The following ZRSR2 variants were observed in gnomAD, a reference collection of about 807,000 sequenced individuals.
The protein encoded by ZRSR2 is zinc finger CCCH-type, RNA binding motif and serine/arginine rich 2.
In ZRSR2, 3 loss-of-function variants were observed where a neutral mutation model predicts 39.4. The observed-to-expected ratio is 0.08, with a 90% CI of 0.03 to 0.20. The LOEUF (loss-of-function observed/expected upper bound fraction) is 0.20. ZRSR2 is among the 10% of genes least tolerant of loss of function. The pLI, the probability that ZRSR2 is intolerant of heterozygous loss-of-function variation, is 1.00. For missense variants in ZRSR2, 256 were observed against 391.5 expected (o/e 0.65, Z 2.92); for synonymous variants, 137 against 136.0 (o/e 1.01, Z -0.05).
chrX:15,799,187 A>G lies in ZRSR2; in HGVS notation c.122-685A>G. On this transcript the variant is annotated intron_variant, in intron 2 of 10. Transcript: ENST00000307771. Reference sequence around the variant, plus strand: ...GCGACAGAGCAAGACTCCCGTCTCAAAAAAAAAAAAAAAAAGTGTCCAGAT... The same window carrying G: ...GCGACAGAGCAAGACTCCCGTCTCAGAAAAAAAAAAAAAAAGTGTCCAGAT... Among the ~76,000 whole-genome samples the G allele has an allele frequency of 1.1e-4, 3 of 28,475 alleles. No individual in the cohort carries two copies. In the Admixed American group the frequency reaches 1.1e-3, roughly 10 times the overall value. The allele number at this position is 28,475 out of a possible 115,157, so 24.7% of individuals were successfully genotyped here. A position where few individuals can be genotyped will look rare whatever the true frequency, so the allele number is the denominator to read the frequency against.
chrX:15,800,774 T>G (rs73439981), intron 3 of ZRSR2, among the ~76,000 whole-genome samples: 2,015 of 112,695 alleles, frequency 0.018, 43 homozygotes, highest in African/African-American at 0.059. Context: ...AGATGTAGCA[T>G]AATTTATTTG....
intron 2 of ZRSR2, among the ~76,000 whole-genome samples, chrX:15,793,001 G>A (rs952870706): frequency 8.9e-6 from 1 of 111,979 alleles, no homozygotes; most frequent in African/African-American, 3.2e-5. Flanking sequence ...AAGGAGCAGT[G>A]TGTTTAACTG....
chrX:15,815,943 A>G (rs1272795367), intron 8 of ZRSR2, 53 bp downstream of exon 8: 2 of 1,041,666 alleles, frequency 1.9e-6, no homozygotes, highest in African/African-American at 3.7e-5. Flanking sequence ...GCAGTACTTA[A>G]TGGCACAAGA....
At chrX:15,804,050 T>C in intron 4 of ZRSR2, 61 bp from the exon 5 acceptor site, 2 of 1,102,925 alleles carry the variant, frequency 1.8e-6, no homozygotes, top group Non-Finnish European at 2.4e-6. Flanking sequence ...CTATGTGCGC[T>C]GTATGTGAAA....
At position 15,817,312 on chromosome X, in the gene ZRSR2, C is replaced by G. The variant is rs753685958; in HGVS notation, c.772-1275C>G. On this transcript the variant is annotated intron_variant, in intron 8 of 10. Coordinates refer to ENST00000307771, the MANE Select transcript of ZRSR2 (RefSeq NM_005089.4). ...TTCCCGAGGCCTTTTATTCTTCCTT[C>G]TAAGGGTGGTGTTACAAACTGTCAC... is the stretch of plus-strand genomic sequence containing the variant. Among the ~76,000 whole-genome samples, 4 of 111,730 alleles carry G rather than the reference C, an allele frequency of 3.6e-5. No individual in the cohort carries two copies. The South Asian group carries it at 1.5e-3, about 41-fold the overall frequency.
intron 3 of ZRSR2, among the ~76,000 whole-genome samples, chrX:15,800,908 T>C (rs138004651): frequency 0.023 from 2,598 of 112,556 alleles, 35 homozygotes; most frequent in Non-Finnish European, 0.032. Flanking sequence ...CCTTGGTAAT[T>C]GTCCAGTTAT....
At chrX:15,793,937 T>C (rs1305708279) in intron 2 of ZRSR2, among the ~76,000 whole-genome samples, 1 of 112,530 alleles carries the variant, frequency 8.9e-6, no homozygotes, top group Admixed American at 9.4e-5. Flanking sequence ...GGCAAATGAT[T>C]GGAGTGCCTT....
At chrX:15,809,404 T>G in intron 7 of ZRSR2, 86 bp downstream of exon 7, 1 of 637,299 alleles carries the variant, frequency 1.6e-6, no homozygotes, top group Non-Finnish European at 2.5e-6. Flanking sequence ...AGGCGCATGT[T>G]TCCATTTCAA....
In ZRSR2 at chrX:15,816,054, A is replaced by G. The variant is rs748308198; in HGVS notation, c.771+164A>G. On this transcript the variant is annotated intron_variant, in intron 8 of 10. Transcript: ENST00000307771. ...CACCCCCTACCTTGTTGCCAATGTC[A>G]CGTCAATACCACATGAAATCATAAA... is the stretch of plus-strand genomic sequence containing the variant. 2.7e-3 allele frequency among the ~76,000 whole-genome samples: 305 copies of G among 111,879 alleles called. 1 individual carries two copies. The highest frequency in any genetic ancestry group is 5.1e-3 in the Non-Finnish European group (273 of 53,160).
chrX:15,815,860 C>T lies in ZRSR2; in HGVS notation c.741C>T (p.Phe247=), dbSNP rs1226556875. The change falls in exon 8 of 11, where the codon TTC becomes TTT. Residue 247 remains phenylalanine, a synonymous_variant. Coordinates refer to ENST00000307771, the MANE Select transcript of ZRSR2 (RefSeq NM_005089.4). The part of the protein sequence containing the change: ...LDFYEDVLPE[F]KNVGKVIQFK... ...TCTATGAGGATGTGTTGCCCGAGTT[C>T]AAGAACGTGGGGAAAGTGATTCAGT... is the stretch of plus-strand genomic sequence containing the variant. 8.3e-7 allele frequency: 1 copy of T among 1,206,227 alleles called. No homozygotes were observed. The highest frequency in any genetic ancestry group is 1.8e-5 in the African/African-American group (1 of 56,779).
intron 3 of ZRSR2, chrX:15,801,698 T>A (rs919235146): frequency 9.8e-5 from 11 of 112,171 alleles, no homozygotes; most frequent in African/African-American, 3.6e-4. Context: ...CTAGTTCTTA[T>A]TATTATAGAT....
At chrX:15,792,977 G>A (rs1302507735) in intron 2 of ZRSR2, among the ~76,000 whole-genome samples, 1 of 112,024 alleles carries the variant, frequency 8.9e-6, no homozygotes, top group Non-Finnish European at 1.9e-5. Context: ...TCAGTACTGG[G>A]ATATTTAGAA....
At chrX:15,809,756 G>A (rs1418984908) in intron 7 of ZRSR2, among the ~76,000 whole-genome samples, 1 of 111,066 alleles carries the variant, frequency 9.0e-6, no homozygotes, top group Non-Finnish European at 1.9e-5. Flanking sequence ...GCTGCAGTAA[G>A]CTATGACCAC....
chrX:15,810,690 T>TA (rs1379534911), intron 7 of ZRSR2, among the ~76,000 whole-genome samples: 1 of 108,628 alleles, frequency 9.2e-6, no homozygotes, highest in Non-Finnish European at 1.9e-5. Flanking sequence ...TAGAAAGCTT[T>TA]AAAAAATTAT....
intron 2 of ZRSR2, among the ~76,000 whole-genome samples, chrX:15,798,262 C>T (rs915287622): frequency 1.8e-5 from 2 of 111,959 alleles, no homozygotes; most frequent in Non-Finnish European, 3.8e-5. Context: ...TTCAGTCTTC[C>T]ATTTCTCTTC....
chrX:15,798,416 A>G (rs1932551462), intron 2 of ZRSR2, among the ~76,000 whole-genome samples: 1 of 112,481 alleles, frequency 8.9e-6, no homozygotes, highest in African/African-American at 3.2e-5. Flanking sequence ...AATATCCATG[A>G]ACCCTTCAGC....
chrX:15,821,559 A>G (rs917278120), intron 10 of ZRSR2, among the ~76,000 whole-genome samples: 10 of 110,840 alleles, frequency 9.0e-5, no homozygotes, highest in African/African-American at 2.6e-4. Flanking sequence ...CCCATTTTGT[A>G]GGTTCTTTTC....
In ZRSR2 at chrX:15,802,033, G is replaced by C. The variant is rs765984370; in HGVS notation, c.204-1655G>C. Among the ~76,000 whole-genome samples, 8 of 111,909 alleles carry C rather than the reference G, an allele frequency of 7.1e-5. No homozygotes were observed. The East Asian group carries it at 1.1e-3, about 16-fold the overall frequency. On this transcript the variant is annotated intron_variant, in intron 3 of 10. Transcript: ENST00000307771. ...TGTTTTTCAAAAGATTTGTAAATCA[G>C]AGTTGTGCCCACTGAAACATCTATA...
rs187022120 is a variant in ZRSR2, at chrX:15,799,055, G to A, written c.122-817G>A. Among the ~76,000 whole-genome samples, 849 of 109,744 alleles carry A rather than the reference G, an allele frequency of 7.7e-3. 27 individuals are homozygous for A. The highest frequency in any genetic ancestry group is 0.069 in the Admixed American group (710 of 10,233). Reference sequence around the variant, plus strand: ...ACAAAAATTAGCTGGGCATGGTGGCGCGCGCCTGTAGTCCCAGCTACTTGG... The same window carrying A: ...ACAAAAATTAGCTGGGCATGGTGGCACGCGCCTGTAGTCCCAGCTACTTGG... On this transcript the variant is annotated intron_variant, in intron 2 of 10. Coordinates refer to ENST00000307771, the MANE Select transcript of ZRSR2 (RefSeq NM_005089.4).
Sources: gnomAD v4.1 joint callset for allele counts (sites outside exome capture counted in the v4.1 genomes callset) on GRCh38, gnomAD v4.1.1 for gene constraint, MANE v1.5 for transcripts, NCBI Gene and HGNC (gene_info 2026-07-23, HGNC 2026-07-21) for gene names.